CDK13: variants seen among roughly 807,000 people sequenced by gnomAD.
CDK13 encodes the protein cyclin dependent kinase 13, also known as cyclin-dependent kinase 13.
In CDK13, 40 loss-of-function variants were observed where a neutral mutation model predicts 137.6. The observed-to-expected ratio is 0.29, with a 90% CI of 0.23 to 0.38. The LOEUF (loss-of-function observed/expected upper bound fraction) is 0.38, where lower values mean the gene tolerates loss of function less well. CDK13 is among the 10% of genes least tolerant of loss of function. The pLI, the probability that CDK13 is intolerant of heterozygous loss-of-function variation, is 1.00. For missense variants in CDK13, 1,704 were observed against 1,951.8 expected, an observed-to-expected ratio of 0.87 and a Z score of 2.39; for synonymous variants, 869 against 760.1, an observed-to-expected ratio of 1.14 and a Z score of -2.36.
intron 5 of CDK13, among the ~76,000 whole-genome samples, chr7:40,024,423 A>G (rs1386078599): frequency 6.6e-6 from 1 of 152,190 alleles, no homozygotes; most frequent in Non-Finnish European, 1.5e-5. Context: ...CTTTATAAAG[A>G]TAAGGACAGT....
chr7:39,977,943 A>G (rs1784144495), intron 1 of CDK13, among the ~76,000 whole-genome samples: 2 of 152,220 alleles, frequency 1.3e-5, no homozygotes, highest in Admixed American at 6.5e-5. Flanking sequence ...TGTGGAATGT[A>G]GAATAATTTC....
intron 5 of CDK13, among the ~76,000 whole-genome samples, chr7:40,003,186 ACACACACACACACACACACACTCT>A (rs61569250): frequency 1.2e-3 from 112 of 97,042 alleles, no homozygotes; most frequent in African/African-American, 4.1e-3. Flanking sequence ...ACACACACAC[ACACACACACACACACACACACTCT>A]CTCTCTCTCT....
At chr7:40,051,996 T>C (rs1785899164) in intron 7 of CDK13, among the ~76,000 whole-genome samples, 1 of 152,206 alleles carries the variant, frequency 6.6e-6, no homozygotes, top group Non-Finnish European at 1.5e-5. Flanking sequence ...ATAGTTTTTC[T>C]GACAGCTACA....
chr7:39,994,558 T>C (rs1241677804), intron 2 of CDK13, among the ~76,000 whole-genome samples: 6 of 152,182 alleles, frequency 3.9e-5, no homozygotes, highest in Admixed American at 3.9e-4. Flanking sequence ...GGGGATGGAG[T>C]AAATTAGTGA....
intron 13 of CDK13, among the ~76,000 whole-genome samples, chr7:40,093,923 A>T (rs199632445): frequency 1.5e-5 from 2 of 130,404 alleles, no homozygotes; most frequent in Admixed American, 1.5e-4. Context: ...AAAAAAAAAA[A>T]TTTTTTTTTT....
At chr7:40,039,185 A>T (rs1785550268) in intron 5 of CDK13, among the ~76,000 whole-genome samples, 1 of 151,810 alleles carries the variant, frequency 6.6e-6, no homozygotes, top group African/African-American at 2.4e-5. Context: ...GGATGAGCTA[A>T]TTGTCTCTTT....
At chr7:39,995,841 C>A (rs557009473) in intron 2 of CDK13, among the ~76,000 whole-genome samples, 1 of 152,142 alleles carries the variant, frequency 6.6e-6, no homozygotes, top group South Asian at 2.1e-4. Context: ...AACCCCATCT[C>A]TACTAGAAAT....
intron 1 of CDK13, among the ~76,000 whole-genome samples, chr7:39,972,210 G>A (rs1784015012): frequency 6.6e-6 from 1 of 152,132 alleles, no homozygotes; most frequent in African/African-American, 2.4e-5. Flanking sequence ...TTTTGTTGTT[G>A]TTGTCGTTAC....
chr7:40,068,341 T>C (rs186058880), intron 9 of CDK13, among the ~76,000 whole-genome samples: 1 of 151,276 alleles, frequency 6.6e-6, no homozygotes, highest in African/African-American at 2.4e-5. Context: ...ATGTTCTCAG[T>C]GAACCATATG....
At chr7:40,024,618 C>G (rs890677776) in intron 5 of CDK13, among the ~76,000 whole-genome samples, 2 of 120,078 alleles carry the variant, frequency 1.7e-5, no homozygotes, top group South Asian at 2.8e-4. Flanking sequence ...TGGTGGTGGT[C>G]TTCTTCCAAG....
At chr7:40,068,359 A>G (rs1256504277) in intron 9 of CDK13, among the ~76,000 whole-genome samples, 2 of 151,694 alleles carry the variant, frequency 1.3e-5, no homozygotes, top group Admixed American at 6.6e-5. Flanking sequence ...ATGGGGGGAA[A>G]GCTTGGTTTA....
chr7:40,065,851 A>G (rs1402812561), intron 9 of CDK13, among the ~76,000 whole-genome samples: 2 of 152,214 alleles, frequency 1.3e-5, no homozygotes, highest in African/African-American at 2.4e-5. Flanking sequence ...TATATGCAAT[A>G]TAAATTAGTC....
Position 39,950,529 on chromosome 7 carries a change from T to G in CDK13, c.-113T>G. On this transcript the variant is annotated 5_prime_UTR_variant, in exon 1 of 14. Coordinates refer to ENST00000181839, the MANE Select transcript of CDK13 (RefSeq NM_003718.5). ...TATCGTGGCGCTTTTCCCGGCCGGC[T>G]CTGGTGCTCGGTGTCCCTCCGCCGC... is the stretch of plus-strand genomic sequence containing the variant. 1 of 1,267,018 alleles carries G rather than the reference T, an allele frequency of 7.9e-7. No homozygotes were observed. Among genetic ancestry groups the G allele is most frequent in the Admixed American group, 4.2e-5 (1 of 23,778 alleles). The allele number at this position is 1,267,018 out of a possible 1,614,324, so 78.5% of individuals were successfully genotyped here.
chr7:39,996,953 T>G (rs1259597518), intron 2 of CDK13, among the ~76,000 whole-genome samples: 5 of 96,408 alleles, frequency 5.2e-5, no homozygotes, highest in African/African-American at 3.5e-4. Context: ...GACAGTGAGA[T>G]TCCATCTCAA....
Position 39,950,806 on chromosome 7 carries a change from G to A in CDK13, c.165G>A (p.Pro55=), listed in dbSNP as rs1307263458. ...AGCTCCTGCAACCGCCGCCGCCCCC[G>A]CCGCCTCTGCTCTTCCTGGCTGCTC... ...QPQLLQPPPP[P]PPLLFLAAPG... The change falls in exon 1 of 14, where the codon CCG becomes CCA. Residue 55 remains proline (P), a synonymous_variant. Coordinates refer to ENST00000181839, the MANE Select transcript of CDK13 (RefSeq NM_003718.5). The A allele has an allele frequency of 6.9e-6, 10 of 1,458,324 alleles. No homozygotes were observed. Among genetic ancestry groups the A allele is most frequent in the African/African-American group, 4.4e-5 (3 of 67,748 alleles). The allele number at this position is 1,458,324 out of a possible 1,614,324, so 90.3% of individuals were successfully genotyped here. A position where few individuals can be genotyped will look rare whatever the true frequency, so the allele number is the denominator to read the frequency against.
intron 2 of CDK13, among the ~76,000 whole-genome samples, chr7:39,996,966 AAAAAAAAAAAG>A (rs1477544086): frequency 8.8e-5 from 13 of 148,426 alleles, no homozygotes; most frequent in African/African-American, 2.0e-4. Context: ...CATCTCAAAA[AAAAAAAAAAAG>A]AAAAAAAAAA....
At chr7:39,952,418 G>C (rs1443680743) in intron 1 of CDK13, 1 of 152,196 alleles carries the variant, frequency 6.6e-6, no homozygotes, top group African/African-American at 2.4e-5. Flanking sequence ...AGCTTAGGTG[G>C]AAGCCGATAG....
At chr7:40,052,288 T>C (rs1377379723) in intron 7 of CDK13, among the ~76,000 whole-genome samples, 2 of 152,128 alleles carry the variant, frequency 1.3e-5, no homozygotes, top group African/African-American at 4.8e-5. Context: ...GCGATTCTCC[T>C]GCCTCAGCCT....
At chr7:40,014,147 C>T (rs578202710) in intron 5 of CDK13, among the ~76,000 whole-genome samples, 228 of 141,708 alleles carry the variant, frequency 1.6e-3, no homozygotes, top group African/African-American at 6.0e-3. Context: ...TGGCTCACTG[C>T]AGTCTCCGAC....
Sources: allele counts gnomAD v4.1 joint callset (sites outside exome capture counted in the v4.1 genomes callset), GRCh38; gene constraint gnomAD v4.1.1; transcripts MANE v1.5; gene names NCBI Gene and HGNC (gene_info 2026-07-23, HGNC 2026-07-21).